PIP5K1B: variants seen among roughly 807,000 people sequenced by gnomAD.
The protein encoded by PIP5K1B is phosphatidylinositol 4-phosphate 5-kinase type-1 beta.
In PIP5K1B, 42 loss-of-function variants were observed where a neutral mutation model predicts 67.0. The ratio of observed to expected loss-of-function variants is 0.63; its 90% CI spans 0.49 to 0.81. PIP5K1B has a LOEUF of 0.81. Among genes scored for constraint, PIP5K1B ranks in the 30% least tolerant of loss-of-function variants. The pLI, the probability that PIP5K1B is intolerant of heterozygous loss-of-function variation, is 0.00. For synonymous variants in PIP5K1B, 214 were observed against 231.4 expected, an observed-to-expected ratio of 0.92 and a Z score of 0.68; for missense variants, 459 against 646.3, an observed-to-expected ratio of 0.71 and a Z score of 3.14.
At chr9:68,914,166 T>TA (rs1445602875) in intron 8 of PIP5K1B, among the ~76,000 whole-genome samples, 4 of 152,104 alleles carry the variant, frequency 2.6e-5, no homozygotes, top group Admixed American at 1.3e-4. Flanking sequence ...CATGACAATA[T>TA]AAAAAAAGCA....
At chr9:68,877,108 G>A (rs1265010644) in intron 6 of PIP5K1B, among the ~76,000 whole-genome samples, 1 of 152,130 alleles carries the variant, frequency 6.6e-6, no homozygotes, top group African/African-American at 2.4e-5. Flanking sequence ...TTGCTGATTA[G>A]ATTCTATTTG....
At chr9:68,805,772 A>G (rs1380211142) in intron 2 of PIP5K1B, among the ~76,000 whole-genome samples, 1 of 152,156 alleles carries the variant, frequency 6.6e-6, no homozygotes, top group African/African-American at 2.4e-5. Flanking sequence ...TTGATAAAAC[A>G]TTTTCTGTCT....
intron 12 of PIP5K1B, among the ~76,000 whole-genome samples, chr9:68,924,281 A>G (rs1220916413): frequency 1.3e-5 from 2 of 151,446 alleles, no homozygotes; most frequent in African/African-American, 2.4e-5. Flanking sequence ...ATGCACCTGT[A>G]ATCCTAACTA....
intron 1 of PIP5K1B, among the ~76,000 whole-genome samples, chr9:68,737,074 G>A (rs1828774829): frequency 6.6e-6 from 1 of 152,148 alleles, no homozygotes; most frequent in South Asian, 2.1e-4. Context: ...CCAAGTTTAG[G>A]TTTCCTGGAA....
intron 2 of PIP5K1B, chr9:68,780,088 GGCGGCGGCC>G: frequency 4.5e-6 from 6 of 1,326,556 alleles, no homozygotes; most frequent in Non-Finnish European, 5.8e-6. Flanking sequence ...CGGCGGCAGC[GGCGGCGGCC>G]CTGGACTGCG....
intron 1 of PIP5K1B, among the ~76,000 whole-genome samples, chr9:68,727,089 T>G (rs1828189998): frequency 6.6e-6 from 1 of 152,170 alleles, no homozygotes; most frequent in Non-Finnish European, 1.5e-5. Context: ...AATGAAGACT[T>G]TAGTACTTAA....
intron 4 of PIP5K1B, among the ~76,000 whole-genome samples, chr9:68,859,124 C>T (rs1197723256): frequency 2.0e-5 from 3 of 152,224 alleles, no homozygotes; most frequent in Non-Finnish European, 4.4e-5. Flanking sequence ...AGTTCATCTC[C>T]TGGAGCCACG....
intron 14 of PIP5K1B, among the ~76,000 whole-genome samples, chr9:68,969,893 G>C (rs1829260932): frequency 6.6e-6 from 1 of 152,144 alleles, no homozygotes; most frequent in Non-Finnish European, 1.5e-5. Flanking sequence ...ATCCGTAAAA[G>C]GGTCTTAATG....
At chr9:68,781,677 A>G (rs1831290498) in intron 2 of PIP5K1B, 1 of 166,804 alleles carries the variant, frequency 6.0e-6, no homozygotes, top group Non-Finnish European at 1.5e-5. Context: ...AACATTTTTA[A>G]TGAGATTTTA....
At chr9:68,752,430 A>C (rs538770801) in intron 2 of PIP5K1B, among the ~76,000 whole-genome samples, 1 of 152,310 alleles carries the variant, frequency 6.6e-6, no homozygotes, top group South Asian at 2.1e-4. Context: ...AGAAACATGC[A>C]TAAGTAATTC....
chr9:68,759,398 G>C (rs1334955860), intron 2 of PIP5K1B, among the ~76,000 whole-genome samples: 2 of 152,036 alleles, frequency 1.3e-5, no homozygotes, highest in Non-Finnish European at 2.9e-5. Flanking sequence ...TAAAAATTGA[G>C]TACAGCATGT....
chr9:68,930,675 C>CCA (rs146730497), intron 12 of PIP5K1B, among the ~76,000 whole-genome samples: 3,258 of 151,654 alleles, frequency 0.021, 83 homozygotes, highest in African/African-American at 0.066. Flanking sequence ...AATCCAATTT[C>CCA]CACACACACA....
chr9:68,987,847 C>T (rs1337538749), intron 14 of PIP5K1B, among the ~76,000 whole-genome samples: 6 of 152,064 alleles, frequency 3.9e-5, no homozygotes, highest in African/African-American at 1.2e-4. Flanking sequence ...GAGAACAGCA[C>T]GGGGGAAACC....
At chr9:68,885,015 C>CTG (rs1476008786) in intron 6 of PIP5K1B, among the ~76,000 whole-genome samples, 108 of 152,304 alleles carry the variant, frequency 7.1e-4, no homozygotes, top group Admixed American at 2.0e-3. Flanking sequence ...ACTCCCATGT[C>CTG]CACTGCAGCA....
intron 15 of PIP5K1B, among the ~76,000 whole-genome samples, chr9:69,004,841 A>C (rs920477086): frequency 6.6e-6 from 1 of 152,226 alleles, no homozygotes; most frequent in Non-Finnish European, 1.5e-5. Flanking sequence ...AAGGAATAAT[A>C]AAATGGTTTC....
chr9:68,805,447 G>A (rs527380270), intron 2 of PIP5K1B, among the ~76,000 whole-genome samples: 13 of 152,224 alleles, frequency 8.5e-5, no homozygotes, highest in Non-Finnish European at 1.5e-4. Flanking sequence ...CAGGGACTGC[G>A]TATGGTGTGC....
intron 1 of PIP5K1B, among the ~76,000 whole-genome samples, chr9:68,716,810 T>C (rs927034086): frequency 6.6e-6 from 1 of 152,208 alleles, no homozygotes; most frequent in Non-Finnish European, 1.5e-5. Flanking sequence ...TGCAGCGCTA[T>C]TCATAATAGC....
At chr9:68,725,965 G>A (rs1828127994) in intron 1 of PIP5K1B, among the ~76,000 whole-genome samples, 1 of 152,190 alleles carries the variant, frequency 6.6e-6, no homozygotes, top group Non-Finnish European at 1.5e-5. Flanking sequence ...TTTACTTGGT[G>A]CTGCCCATTT....
At chr9:68,727,238 A>G (rs1478483239) in intron 1 of PIP5K1B, among the ~76,000 whole-genome samples, 1 of 152,214 alleles carries the variant, frequency 6.6e-6, no homozygotes, top group Non-Finnish European at 1.5e-5. Context: ...AAAGATAACT[A>G]TCAAGAGACT....
Sources: allele counts gnomAD v4.1 joint callset (sites outside exome capture counted in the v4.1 genomes callset), GRCh38; gene constraint gnomAD v4.1.1; transcripts MANE v1.5; gene names NCBI Gene and HGNC (gene_info 2026-07-23, HGNC 2026-07-21).